SAMD8: variants seen among roughly 807,000 people sequenced by gnomAD.
SAMD8 encodes sterile alpha motif domain containing 8.
SAMD8 carries 20 observed loss-of-function variants against 42.0 expected under a neutral mutation model. That is an observed-to-expected ratio of 0.48 (90% CI 0.34 to 0.69). SAMD8 has a LOEUF of 0.69. Ranked by LOEUF, SAMD8 falls within the 30% of genes least tolerant of loss-of-function variation. The probability of loss-of-function intolerance (pLI) is 0.01; values close to 1 mark genes in which losing one functional copy is unlikely to be tolerated. For missense variants in SAMD8, 328 were observed against 511.6 expected, an observed-to-expected ratio of 0.64 and a Z score of 3.46; for synonymous variants, 162 against 173.0, an observed-to-expected ratio of 0.94 and a Z score of 0.50.
intron 1 of SAMD8, chr10:75,101,915 G>A (rs536279604): frequency 3.2e-5 from 44 of 1,367,648 alleles, no homozygotes; most frequent in East Asian, 3.2e-4. Context: ...CGGGCAGTTC[G>A]TGCTGCTGGC....
chr10:75,152,051 C>CTT (rs200268216), intron 2 of SAMD8, among the ~76,000 whole-genome samples: 4 of 127,296 alleles, frequency 3.1e-5, no homozygotes, highest in African/African-American at 1.2e-4. Context: ...ACTTGGCTGC[C>CTT]TTTTTTTATT....
At chr10:75,146,309 A>T (rs1840133148) in intron 1 of SAMD8, among the ~76,000 whole-genome samples, 1 of 105,854 alleles carries the variant, frequency 9.4e-6, no homozygotes, top group Non-Finnish European at 1.7e-5. Context: ...TTGGAGACAG[A>T]GTTTCGCTCT....
chr10:75,131,300 G>A (rs1849268965), intron 1 of SAMD8, among the ~76,000 whole-genome samples: 1 of 152,060 alleles, frequency 6.6e-6, no homozygotes, highest in Admixed American at 6.6e-5. Context: ...TTGAGTCTTC[G>A]AGGTGCCTTT....
chr10:75,118,028 T>G (rs1010338511), intron 1 of SAMD8, among the ~76,000 whole-genome samples: 1 of 152,332 alleles, frequency 6.6e-6, no homozygotes. Flanking sequence ...AAAGGCTATT[T>G]GGAACCAGAA....
upstream of SAMD8, chr10:75,107,984 A>G (rs761735160): frequency 1.3e-5 from 21 of 1,608,262 alleles, no homozygotes; most frequent in South Asian, 2.3e-4. Context: ...TTGGACCCCA[A>G]GTCCTACCCC....
At chr10:75,131,735 C>A (rs1328345741) in intron 1 of SAMD8, among the ~76,000 whole-genome samples, 1 of 152,106 alleles carries the variant, frequency 6.6e-6, no homozygotes, top group African/African-American at 2.4e-5. Context: ...CATCCTTTAG[C>A]TCCAAGGAAA....
intron 1 of SAMD8, among the ~76,000 whole-genome samples, chr10:75,124,376 G>A (rs535070666): frequency 2.6e-5 from 4 of 152,230 alleles, no homozygotes; most frequent in Admixed American, 2.6e-4. Flanking sequence ...ACTTTGGGAG[G>A]CCAAGACGGG....
chr10:75,122,795 G>A (rs1849034732), intron 1 of SAMD8, among the ~76,000 whole-genome samples: 1 of 151,874 alleles, frequency 6.6e-6, no homozygotes, highest in African/African-American at 2.4e-5. Context: ...GCAGTTTTCT[G>A]ACAATTTGTA....
chr10:75,115,783 A>G (rs1178837919), intron 1 of SAMD8, among the ~76,000 whole-genome samples: 1 of 152,034 alleles, frequency 6.6e-6, no homozygotes, highest in African/African-American at 2.4e-5. Flanking sequence ...TACTAAAAAT[A>G]CAAAAAAATT....
chr10:75,122,186 C>T (rs1849019669), intron 1 of SAMD8, among the ~76,000 whole-genome samples: 1 of 151,942 alleles, frequency 6.6e-6, no homozygotes, highest in Non-Finnish European at 1.5e-5. Context: ...TTAATGTAGA[C>T]AGTGAAAGGG....
chr10:75,140,781 A>C (rs1483725683), intron 1 of SAMD8, among the ~76,000 whole-genome samples: 1 of 152,188 alleles, frequency 6.6e-6, no homozygotes, highest in Non-Finnish European at 1.5e-5. Flanking sequence ...ATATCTACAA[A>C]ATTAAAGGCC....
intron 2 of SAMD8, among the ~76,000 whole-genome samples, chr10:75,156,196 C>T (rs1426876913): frequency 6.6e-6 from 1 of 152,122 alleles, no homozygotes; most frequent in African/African-American, 2.4e-5. Flanking sequence ...GGCAACAAAG[C>T]GAGACCTTTT....
chr10:75,102,194 G>A (rs1268135005), intron 1 of SAMD8, among the ~76,000 whole-genome samples: 1 of 152,226 alleles, frequency 6.6e-6, no homozygotes, highest in East Asian at 1.9e-4. Context: ...GTGGGAGAAG[G>A]GGCCGGGCGC....
At chr10:75,136,664 TAC>T (rs2134454078) in intron 1 of SAMD8, among the ~76,000 whole-genome samples, 1 of 152,286 alleles carries the variant, frequency 6.6e-6, no homozygotes, top group South Asian at 2.1e-4. Flanking sequence ...CTACCTTTGC[TAC>T]AGTCAGAAGG....
chr10:75,103,073 C>T (rs962625080), intron 1 of SAMD8, among the ~76,000 whole-genome samples: 5 of 152,160 alleles, frequency 3.3e-5, no homozygotes, highest in African/African-American at 2.4e-5. Context: ...TAATCCTTGA[C>T]CATGCCATTG....
At chr10:75,170,894 C>T (rs1044938228) in intron 4 of SAMD8, among the ~76,000 whole-genome samples, 5 of 150,656 alleles carry the variant, frequency 3.3e-5, no homozygotes, top group Non-Finnish European at 5.9e-5. Context: ...CTGCCTCAGC[C>T]TCCCGAGTAG....
chr10:75,138,792 AAAGAT>A (rs1839950956), intron 1 of SAMD8, among the ~76,000 whole-genome samples: 1 of 152,168 alleles, frequency 6.6e-6, no homozygotes. Context: ...AGGTCACCCA[AAAGAT>A]AAGATATTTC....
intron 2 of SAMD8, among the ~76,000 whole-genome samples, chr10:75,157,419 TG>T (rs1317591320): frequency 3.3e-5 from 5 of 152,184 alleles, no homozygotes; most frequent in African/African-American, 1.2e-4. Context: ...ACCTTGTGGC[TG>T]GGAGAGGCTG....
chr10:75,158,258 G>A (rs1031329885), intron 2 of SAMD8, among the ~76,000 whole-genome samples: 72 of 152,020 alleles, frequency 4.7e-4, no homozygotes, highest in African/African-American at 1.7e-3. Flanking sequence ...TAGTGGGAGA[G>A]CAGGAAATGG....
Sources: gnomAD v4.1 joint callset for allele counts (sites outside exome capture counted in the v4.1 genomes callset) on GRCh38, gnomAD v4.1.1 for gene constraint, MANE v1.5 for transcripts, NCBI Gene and HGNC (gene_info 2026-07-23, HGNC 2026-07-21) for gene names.